Variants in UBA1 observed in about 807,000 individuals in gnomAD.
UBA1 encodes ubiquitin like modifier activating enzyme 1, also known as ubiquitin-like modifier-activating enzyme 1.
UBA1 carries 4 observed loss-of-function variants against 84.7 expected under a neutral mutation model. The ratio of observed to expected loss-of-function variants is 0.05; its 90% confidence interval spans 0.02 to 0.11. The LOEUF (loss-of-function observed/expected upper bound fraction) is 0.11, where lower values mean the gene tolerates loss of function less well. UBA1 is among the 10% of genes least tolerant of loss of function. The pLI is 1.00. For missense variants in UBA1, 513 were observed against 902.8 expected (o/e 0.57, Z 5.53); for synonymous variants, 364 against 362.6 (o/e 1.00, Z -0.04).
intron 20 of UBA1, among the ~76,000 whole-genome samples, chrX:47,211,493 T>G (rs1019438096): frequency 7.2e-5 from 8 of 111,609 alleles, no homozygotes. Context: ...AGTTTTGTTC[T>G]TTCTTCTGTT....
Position 47,215,040 on chromosome X carries a change from C to T in UBA1, c.*111C>T. 9.6e-7 allele frequency: 1 copy of T among 1,045,855 alleles called. No individual in the cohort carries two copies. Among genetic ancestry groups the T allele is most frequent in the Non-Finnish European group, 1.3e-6 (1 of 757,997 alleles). 86.2% of individuals were successfully genotyped at this position (1,045,855 alleles called of 1,213,427 possible). ...GGCCCAACTAGCCAAGTCTGGTGTT[C>T]CCTCATCATCCCCCTACCTGAACCC... On this transcript the variant is annotated 3_prime_UTR_variant, in exon 26 of 26. Coordinates refer to ENST00000335972, the MANE Select transcript of UBA1 (RefSeq NM_003334.4).
intron 14 of UBA1, chrX:47,205,490 G>A (rs1486241237): frequency 2.9e-6 from 1 of 345,574 alleles, no homozygotes; most frequent in Non-Finnish European, 5.8e-6. Flanking sequence ...GTCACAGACC[G>A]TCTCTCCTGC....
intron 21 of UBA1, 105 bp from the exon 22 acceptor site, chrX:47,212,666 C>T: frequency 1.1e-6 from 1 of 875,594 alleles, no homozygotes; most frequent in Non-Finnish European, 1.7e-6. Flanking sequence ...CCCAGCCATC[C>T]CTTTGTGATC....
Position 47,209,676 on chromosome X carries a change from C to T in UBA1, c.1992C>T (p.Asn664=). The change falls in exon 17 of 26, where the codon AAC becomes AAT. Residue 664 remains asparagine (N), a synonymous_variant. Transcript: ENST00000335972. ...GLFKQPAENV[N]QYLTDPKFVE... ...TCAAGCAGCCAGCAGAAAATGTCAA[C>T]CAGTACCTCACGTGAGTAACTCGAG... The T allele has an allele frequency of 8.3e-7, 1 of 1,211,376 alleles. No homozygotes were observed. Among genetic ancestry groups the T allele is most frequent in the Non-Finnish European group, 1.1e-6 (1 of 895,196 alleles).
At chrX:47,205,206 C>T (rs1371261954) in intron 14 of UBA1, 14 of 206,203 alleles carry the variant, frequency 6.8e-5, no homozygotes, top group East Asian at 4.2e-4. Flanking sequence ...ACTCATTTTA[C>T]GGTAAGTGGA....
intron 20 of UBA1, among the ~76,000 whole-genome samples, chrX:47,212,137 CCCATCTTGATCTCT>C (rs1936951600): frequency 9.2e-6 from 1 of 109,026 alleles, no homozygotes; most frequent in African/African-American, 3.4e-5. Context: ...CTTTACGTCT[CCCATCTTGATCTCT>C]CCATCTCCAC....
chrX:47,200,389 G>C (rs1490286645), intron 5 of UBA1, among the ~76,000 whole-genome samples: 7 of 112,579 alleles, frequency 6.2e-5, no homozygotes, highest in Admixed American at 5.6e-4. Context: ...GAAGCTGAGA[G>C]TTGTCCCTGG....
Position 47,209,986 on chromosome X carries a change from C to G in UBA1, c.2062C>G (p.Leu688Val). The change falls in exon 18 of 26, where the codon CTG becomes GTG. Residue 688 changes from leucine (L) to valine (V), a missense_variant. By Grantham distance (32) the Leu-to-Val change is conservative. Transcript: ENST00000335972. ...GGCAGGCACTCAGCCCTTGGAGGTG[C>G]TGGAGGCTGTGCAGCGCAGCCTGGT... Reference protein sequence around the residue: ...RLAGTQPLEVLEAVQRSLVLQ... With the variant: ...RLAGTQPLEVVEAVQRSLVLQ... 1 of 1,212,310 alleles carries G rather than the reference C, an allele frequency of 8.2e-7. No homozygotes were observed. Among genetic ancestry groups the G allele is most frequent in the Non-Finnish European group, 1.1e-6 (1 of 895,604 alleles).
chrX:47,213,323 T>C, intron 23 of UBA1, 142 bp downstream of exon 23: 3 of 632,876 alleles, frequency 4.7e-6, no homozygotes, highest in South Asian at 3.0e-5. Context: ...ACTTATTCAT[T>C]AATCACATTA....
At chrX:47,212,293 C>T (rs1159960067) in intron 20 of UBA1, 131 bp from the exon 21 acceptor site, 4 of 507,956 alleles carry the variant, frequency 7.9e-6, no homozygotes, top group Non-Finnish European at 1.4e-5. Flanking sequence ...CCCCTTTTCT[C>T]TCCCAGGATG....
At chrX:47,203,255 C>T (rs1341386936) in intron 13 of UBA1, 41 bp downstream of exon 13, 1 of 1,178,509 alleles carries the variant, frequency 8.5e-7, no homozygotes, top group Non-Finnish European at 1.2e-6. Context: ...TCATCTTGGC[C>T]TCTGGCCATC....
chrX:47,209,791 CATGA>C (rs1936846581), intron 17 of UBA1, 104 bp downstream of exon 17: 1 of 1,078,506 alleles, frequency 9.3e-7, no homozygotes. Flanking sequence ...ACACTTTTCA[CATGA>C]ATGAGTGGCT....
rs782766134 is a variant in UBA1, at chrX:47,209,266, G to A, written c.1939-357G>A. 3 of 400,612 alleles carry A rather than the reference G, an allele frequency of 7.5e-6. No homozygotes were observed. The African/African-American group carries it at 7.5e-5, about 10-fold the overall frequency. 33.0% of individuals were successfully genotyped at this position (400,612 alleles called of 1,213,427 possible). A position where few individuals can be genotyped will look rare whatever the true frequency, so the allele number is the denominator to read the frequency against. On this transcript the variant is annotated intron_variant, in intron 16 of 25. Transcript: ENST00000335972. ...GCCTCCCGGGTTCAAGAGATTTCCT[G>A]CCTCAGCCTCCTGAGTAGCTGGGAT...
In UBA1 at chrX:47,203,050, A is replaced by G. The variant is rs1340065953; in HGVS notation, c.1338+3A>G. 1 of 1,205,099 alleles carries G rather than the reference A, an allele frequency of 8.3e-7. No individual in the cohort carries two copies. The highest frequency in any genetic ancestry group is 1.7e-5 in the African/African-American group (1 of 57,195). On this transcript the variant is annotated splice_donor_region_variant and intron_variant, in intron 12 of 25. Transcript: ENST00000335972. Reference sequence around the variant, plus strand: ...TCACAGAGGACAAGTGCCTCCAGGTATGTGGGTGGGACCTGTGGGGAGGGC... The same window carrying G: ...TCACAGAGGACAAGTGCCTCCAGGTGTGTGGGTGGGACCTGTGGGGAGGGC...
intron 1 of UBA1, chrX:47,198,227 G>T (rs1414026624): frequency 1.1e-5 from 11 of 979,287 alleles, no homozygotes; most frequent in Non-Finnish European, 1.5e-5. Flanking sequence ...CTTCCCTCCT[G>T]CACTCCCCGC....
At position 47,210,137 on chromosome X, in the gene UBA1, G is replaced by T. The variant is rs1235056602; in HGVS notation, c.2199+14G>T. ...CCTCCTGACCAGGTAATGCCCAGTT[G>T]TTGGGTCCATTTGGCAGAATGTGTT... On this transcript the variant is annotated intron_variant, in intron 18 of 25. Coordinates refer to ENST00000335972, the MANE Select transcript of UBA1 (RefSeq NM_003334.4). 1 of 1,209,902 alleles carries T rather than the reference G, an allele frequency of 8.3e-7. No homozygotes were observed. Among genetic ancestry groups the T allele is most frequent in the Non-Finnish European group, 1.1e-6 (1 of 894,725 alleles).
intron 19 of UBA1, 28 bp downstream of exon 19, chrX:47,210,944 G>A: frequency 8.3e-7 from 1 of 1,209,985 alleles, no homozygotes; most frequent in Non-Finnish European, 1.1e-6. Flanking sequence ...GGTCTTCTGG[G>A]GTCAGGTGGA....
At chrX:47,200,239 C>G (rs1936354871) in intron 5 of UBA1, among the ~76,000 whole-genome samples, 4 of 112,390 alleles carry the variant, frequency 3.6e-5, no homozygotes, top group Admixed American at 2.8e-4. Context: ...CTTTGTTTTC[C>G]TGTTTGTAGT....
chrX:47,203,309 A>G (rs1936495585), intron 13 of UBA1, 95 bp downstream of exon 13: 4 of 1,002,303 alleles, frequency 4.0e-6, no homozygotes, highest in Non-Finnish European at 5.6e-6. Flanking sequence ...CCGGTGGCGC[A>G]TTCTCTTTGC....
Sources: allele counts gnomAD v4.1 joint callset (sites outside exome capture counted in the v4.1 genomes callset), GRCh38; gene constraint gnomAD v4.1.1; transcripts MANE v1.5; gene names NCBI Gene and HGNC (gene_info 2026-07-23, HGNC 2026-07-21).